The following CABYR variants were observed in gnomAD, a reference collection of about 807,000 sequenced individuals.
CABYR encodes calcium-binding tyrosine phosphorylation-regulated protein.
CABYR carries 31 observed loss-of-function variants against 36.1 expected under a neutral mutation model. The observed-to-expected ratio is 0.86, with a 90% CI of 0.64 to 1.16. The LOEUF (loss-of-function observed/expected upper bound fraction) is 1.16, where lower values mean the gene tolerates loss of function less well. Ranked by LOEUF, CABYR falls within the 50% of genes most tolerant of loss-of-function variation. The pLI is 0.00. For synonymous variants in CABYR, 146 were observed against 160.7 expected (o/e 0.91, Z 0.69); for missense variants, 429 against 455.8 (o/e 0.94, Z 0.53).
chr18:24,156,651 A>T (rs748654881), intron 4 of CABYR: 1 of 1,614,152 alleles, frequency 6.2e-7, no homozygotes, highest in Non-Finnish European at 8.5e-7. Flanking sequence ...GGCAGAAGCA[A>T]CAGCTCTGCT....
Position 24,146,573 on chromosome 18 carries a change from A to T in CABYR, c.199+3160A>T, listed in dbSNP as rs893414354. Among the ~76,000 whole-genome samples the T allele has an allele frequency of 7.2e-5, 11 of 152,076 alleles. 1 individual carries two copies. The highest frequency in any genetic ancestry group is 6.6e-4 in the Admixed American group (10 of 15,258). On this transcript the variant is annotated intron_variant, in intron 3 of 5. Coordinates refer to ENST00000399496, the MANE Select transcript of CABYR (RefSeq NM_153769.3). ...AAAAAAAAAAGGTCTATGTCATTGCAGTCACAGGAAAAGAGTGGAAAAGTA... is the reference window on the plus strand; with the variant it reads ...AAAAAAAAAAGGTCTATGTCATTGCTGTCACAGGAAAAGAGTGGAAAAGTA...
chr18:24,143,022 C>CAAAAAAA, intron 1 of CABYR, 69 bp from the exon 2 acceptor site: 1 of 694,750 alleles, frequency 1.4e-6, no homozygotes, highest in Non-Finnish European at 2.0e-6. Context: ...GACAGAGTCT[C>CAAAAAAA]AAAAAAAAAA....
Position 24,143,384 on chromosome 18 carries a change from A to G in CABYR, c.170A>G (p.Asp57Gly). 1 of 1,575,822 alleles carries G rather than the reference A, an allele frequency of 6.3e-7. No individual in the cohort carries two copies. The highest frequency in any genetic ancestry group is 8.7e-7 in the Non-Finnish European group (1 of 1,152,260). ...YRGNTTMDIK[D>G]LVKQFHQIKV... Reference sequence around the variant, plus strand: ...GGGAATACTACTATGGATATAAAAGATCTGGTTAAACAATTTCATCAGATT... The same window carrying G: ...GGGAATACTACTATGGATATAAAAGGTCTGGTTAAACAATTTCATCAGATT... Residue 57 changes from aspartate (D) to glycine (G), a missense_variant, in exon 3 of 6, where the codon GAT becomes GGT. By Grantham distance (94) the Asp-to-Gly change is moderately conservative (BLOSUM62 -1). Transcript: ENST00000399496.
At chr18:24,139,202 G>T (rs966232536) in intron 1 of CABYR, 84 bp downstream of exon 1, 1 of 151,816 alleles carries the variant, frequency 6.6e-6, no homozygotes, top group Non-Finnish European at 1.5e-5. Flanking sequence ...GGGAGAGGTC[G>T]TCGGGGCAGG....
intron 3 of CABYR, chr18:24,150,421 C>CA (rs1404095742): frequency 5.3e-6 from 1 of 187,548 alleles, no homozygotes; most frequent in African/African-American, 2.4e-5. Flanking sequence ...ACCTAAAAGC[C>CA]ACTGTACCCC....
intron 3 of CABYR, among the ~76,000 whole-genome samples, chr18:24,154,691 GA>G (rs1183045925): frequency 1.3e-5 from 2 of 152,188 alleles, no homozygotes; most frequent in Non-Finnish European, 2.9e-5. Flanking sequence ...CTTCCCAAAG[GA>G]AAATTCTCAG....
In CABYR at chr18:24,155,874, G is replaced by A. The variant is rs2085768404; in HGVS notation, c.373G>A (p.Val125Ile). The change falls in exon 4 of 6, where the codon GTT becomes ATT. Residue 125 changes from valine (V) to isoleucine (I), a missense_variant. Transcript: ENST00000399496. Reference protein sequence around the residue: ...YSDKTTQFPSVYAVPGTEQTE... With the variant: ...YSDKTTQFPSIYAVPGTEQTE... ...TGACAAAACCACCCAGTTTCCATCA[G>A]TTTATGCTGTGCCAGGCACTGAGCA... 1 of 1,614,158 alleles carries A rather than the reference G, an allele frequency of 6.2e-7. No homozygotes were observed. Among genetic ancestry groups the A allele is most frequent in the East Asian group, 2.2e-5 (1 of 44,882 alleles).
intron 4 of CABYR, among the ~76,000 whole-genome samples, chr18:24,159,062 A>G (rs535046455): frequency 6.6e-6 from 1 of 152,356 alleles, no homozygotes; most frequent in South Asian, 2.1e-4. Flanking sequence ...TTCTTTAGGA[A>G]ATAAACACTA....
chr18:24,147,875 A>C (rs754414229), intron 3 of CABYR, among the ~76,000 whole-genome samples: 5 of 152,194 alleles, frequency 3.3e-5, no homozygotes, highest in Non-Finnish European at 7.4e-5. Flanking sequence ...CAGCAAATCA[A>C]TTAAGAGTAA....
intron 4 of CABYR, chr18:24,156,375 C>A: frequency 6.2e-7 from 1 of 1,614,160 alleles, no homozygotes; most frequent in South Asian, 1.1e-5. Context: ...GTCAACTGTT[C>A]ATATATCATC....
intron 3 of CABYR, among the ~76,000 whole-genome samples, chr18:24,148,055 A>G (rs2085501618): frequency 6.6e-6 from 1 of 152,042 alleles, no homozygotes; most frequent in South Asian, 2.1e-4. Context: ...GAAGGAGGAG[A>G]AAGTGGTGGC....
intron 4 of CABYR, chr18:24,156,852 C>T (rs1333478684): frequency 6.2e-7 from 1 of 1,614,082 alleles, no homozygotes. Context: ...CAAACCTGTG[C>T]TCTCTGGGGA....
intron 3 of CABYR, among the ~76,000 whole-genome samples, chr18:24,145,268 G>C (rs1019171918): frequency 6.6e-6 from 1 of 152,152 alleles, no homozygotes; most frequent in African/African-American, 2.4e-5. Context: ...TTTCATTTCA[G>C]CTATGATAGA....
rs1473647233 is a variant in CABYR at position 24,156,197 on chromosome 18, A to C, written c.541+155A>C. ...TTGTGTGTTCTGGAAAGGTGCTAGA[A>C]GTGCAGGTTGTGAACCAAACATCTG... is the stretch of plus-strand genomic sequence containing the variant. On this transcript the variant is annotated intron_variant, in intron 4 of 5. Transcript: ENST00000399496. The C allele has an allele frequency of 1.2e-6, 2 of 1,614,052 alleles. No homozygotes were observed. Among genetic ancestry groups the C allele is most frequent in the African/African-American group, 2.7e-5 (2 of 74,920 alleles).
Position 24,143,273 on chromosome 18 carries a change from T to A in CABYR, c.145+14T>A. 6.2e-7 allele frequency: 1 copy of A among 1,604,020 alleles called. No individual in the cohort carries two copies. The highest frequency in any genetic ancestry group is 8.5e-7 in the Non-Finnish European group (1 of 1,176,648). ...CTATGTATAGAGGTTTGTTATTCCT[T>A]TATATATTTGCTGCTTTGAAAAAGA... On this transcript the variant is annotated intron_variant, in intron 2 of 5. Coordinates refer to ENST00000399496, the MANE Select transcript of CABYR (RefSeq NM_153769.3).
chr18:24,144,043 G>C (rs756017500), intron 3 of CABYR, among the ~76,000 whole-genome samples: 1 of 151,998 alleles, frequency 6.6e-6, no homozygotes, highest in African/African-American at 2.4e-5. Context: ...GACTCCAGGC[G>C]CCCACCAGCA....
chr18:24,160,462 G>C (rs2085929124), intron 5 of CABYR, among the ~76,000 whole-genome samples: 1 of 152,192 alleles, frequency 6.6e-6, no homozygotes, highest in African/African-American at 2.4e-5. Flanking sequence ...CAAGGTAAGA[G>C]AGAAAGTCTT....
chr18:24,140,403 C>A (rs1414542869), intron 1 of CABYR: 1 of 152,120 alleles, frequency 6.6e-6, no homozygotes, highest in Non-Finnish European at 1.5e-5. Context: ...TGCGGAATCC[C>A]CACTTCTGAT....
chr18:24,160,032 A>G lies in CABYR; in HGVS notation c.1102A>G (p.Thr368Ala), dbSNP rs1378192883. ...TATTGCTGGGGAGGTAACCGTGACT[A>G]CTGCTCACAAACGTCGCAAAGCAGA... ...YGIAGEVTVT[T>A]AHKRRKAETE... Residue 368 changes from threonine (T) to alanine (A), a missense_variant, in exon 5 of 6, where the codon ACT becomes GCT. Thr to Ala is a moderately conservative substitution (Grantham distance 58). Transcript: ENST00000399496. The G allele has an allele frequency of 2.5e-6, 4 of 1,613,786 alleles. No individual in the cohort carries two copies. In the East Asian group the frequency reaches 6.7e-5, roughly 27 times the overall value.
Sources: allele counts gnomAD v4.1 joint callset (sites outside exome capture counted in the v4.1 genomes callset), GRCh38; gene constraint gnomAD v4.1.1; transcripts MANE v1.5; gene names NCBI Gene and HGNC (gene_info 2026-07-23, HGNC 2026-07-21).